The following NFATC2 variants were observed in gnomAD, a reference collection of about 807,000 sequenced individuals.
The protein encoded by NFATC2 is nuclear factor of activated T-cells, cytoplasmic 2.
Under a neutral mutation model 87.3 loss-of-function variants are expected in NFATC2, and 22 were observed. That is an observed-to-expected ratio of 0.25 (90% CI 0.18 to 0.36). The LOEUF is 0.36. Among genes scored for constraint, NFATC2 ranks in the 10% least tolerant of loss-of-function variants. The pLI, the probability that NFATC2 is intolerant of heterozygous loss-of-function variation, is 1.00. For synonymous variants in NFATC2, 565 were observed against 542.2 expected (o/e 1.04, Z -0.58); for missense variants, 1,149 against 1,259.1 (o/e 0.91, Z 1.32).
At chr20:51,549,208 G>A (rs1244153259) in intron 1 of NFATC2, among the ~76,000 whole-genome samples, 1 of 152,188 alleles carries the variant, frequency 6.6e-6, no homozygotes, top group East Asian at 1.9e-4. Flanking sequence ...TATTATAAAA[G>A]ACAATGTTCT....
chr20:51,399,143 A>G (rs1424397364), intron 9 of NFATC2: 1 of 160,940 alleles, frequency 6.2e-6, no homozygotes, highest in East Asian at 1.7e-4. Flanking sequence ...AGGCATCTAC[A>G]GATACTAAAC....
upstream of NFATC2, chr20:51,542,868 G>A: frequency 2.7e-6 from 1 of 367,404 alleles, no homozygotes; most frequent in Non-Finnish European, 3.8e-6. Flanking sequence ...CGGGAGGAAG[G>A]AGGCTGTCCG....
chr20:51,425,952 C>T (rs140317213), intron 9 of NFATC2, among the ~76,000 whole-genome samples: 2 of 152,146 alleles, frequency 1.3e-5, no homozygotes, highest in African/African-American at 4.8e-5. Context: ...CAGCCCCCGG[C>T]GAGGACATCA....
At chr20:51,492,739 T>A (rs998935815) in intron 3 of NFATC2, among the ~76,000 whole-genome samples, 4 of 152,216 alleles carry the variant, frequency 2.6e-5, no homozygotes, top group Non-Finnish European at 5.9e-5. Context: ...GGAAGAGGTT[T>A]AAGGCTCACG....
chr20:51,500,977 C>T (rs1420558722), intron 3 of NFATC2, among the ~76,000 whole-genome samples: 5 of 148,938 alleles, frequency 3.4e-5, no homozygotes, highest in African/African-American at 2.5e-5. Context: ...TATCAGAGTT[C>T]AACACAAACA....
intron 3 of NFATC2, among the ~76,000 whole-genome samples, chr20:51,479,551 T>C (rs1355953287): frequency 6.6e-6 from 1 of 152,108 alleles, no homozygotes; most frequent in Non-Finnish European, 1.5e-5. Context: ...GTCCAGGAGG[T>C]TGAGGCTACA....
Position 51,468,643 on chromosome 20 carries a change from C to T in NFATC2, c.1708+5337G>A, listed in dbSNP as rs61444497. ...CCTGTGGACATCTCCTGTCTCATTG[C>T]AGCCTTTTTCTCCCCACTGGGCAGT... On this transcript the variant is annotated intron_variant, in intron 5 of 10. Coordinates refer to ENST00000371564, the MANE Select transcript of NFATC2 (RefSeq NM_012340.5). Among the ~76,000 whole-genome samples, 1,323 of 152,354 alleles carry T rather than the reference C, an allele frequency of 8.7e-3. 19 individuals are homozygous for T. The highest frequency in any genetic ancestry group is 0.03 in the African/African-American group (1,268 of 41,584).
At chr20:51,404,012 C>A (rs1988312982) in intron 9 of NFATC2, among the ~76,000 whole-genome samples, 1 of 152,180 alleles carries the variant, frequency 6.6e-6, no homozygotes, top group African/African-American at 2.4e-5. Flanking sequence ...GGTCCAGCAT[C>A]CCATGGCTGG....
At chr20:51,545,710 T>C (rs1330509498), upstream of NFATC2, among the ~76,000 whole-genome samples, 1 of 151,236 alleles carries the variant, frequency 6.6e-6, no homozygotes, top group Non-Finnish European at 1.5e-5. Flanking sequence ...GATGGGTGGA[T>C]GGATGGATAG....
chr20:51,499,245 G>A (rs557773420), intron 3 of NFATC2, among the ~76,000 whole-genome samples: 1 of 152,290 alleles, frequency 6.6e-6, no homozygotes, highest in East Asian at 1.9e-4. Flanking sequence ...TGGAGGCAGG[G>A]AAACCAGTTA....
chr20:51,391,546 G>A, intron 10 of NFATC2, 95 bp from the exon 11 acceptor site: 1 of 1,309,996 alleles, frequency 7.6e-7, no homozygotes, highest in Non-Finnish European at 1.1e-6. Context: ...AACCTCTATT[G>A]GGCTATTGAT....
chr20:51,394,580 G>A (rs889245881), intron 10 of NFATC2, among the ~76,000 whole-genome samples: 13 of 150,256 alleles, frequency 8.7e-5, no homozygotes, highest in Admixed American at 1.3e-4. Flanking sequence ...CCCCTGCTGC[G>A]CTGATGCTCT....
chr20:51,405,191 C>A (rs953708358), intron 9 of NFATC2, among the ~76,000 whole-genome samples: 4 of 152,160 alleles, frequency 2.6e-5, no homozygotes, highest in Admixed American at 2.0e-4. Flanking sequence ...GACATGCCCC[C>A]CAAATTAGCT....
intron 5 of NFATC2, among the ~76,000 whole-genome samples, chr20:51,470,188 G>A (rs1462575854): frequency 6.6e-6 from 1 of 152,170 alleles, no homozygotes; most frequent in Non-Finnish European, 1.5e-5. Flanking sequence ...CTCCAGAGAA[G>A]TGGGAGGTGG....
intron 3 of NFATC2, among the ~76,000 whole-genome samples, chr20:51,485,472 G>A (rs985227617): frequency 2.0e-5 from 3 of 152,132 alleles, no homozygotes; most frequent in African/African-American, 7.2e-5. Flanking sequence ...CTGGAAGTAT[G>A]GGATTAAAAT....
intron 9 of NFATC2, among the ~76,000 whole-genome samples, chr20:51,405,186 G>GC (rs2045661399): frequency 6.6e-6 from 1 of 152,124 alleles, no homozygotes; most frequent in Non-Finnish European, 1.5e-5. Context: ...GACAGGACAT[G>GC]CCCCCCAAAT....
At chr20:51,468,433 C>T (rs1471356983) in intron 5 of NFATC2, among the ~76,000 whole-genome samples, 3 of 152,222 alleles carry the variant, frequency 2.0e-5, no homozygotes, top group Admixed American at 6.5e-5. Context: ...ATGAGCAAAG[C>T]GAATTTACAT....
chr20:51,493,860 C>A (rs1001775042), intron 3 of NFATC2, among the ~76,000 whole-genome samples: 1 of 152,148 alleles, frequency 6.6e-6, no homozygotes, highest in Non-Finnish European at 1.5e-5. Flanking sequence ...ACACCCTTGA[C>A]CATCAGCCTG....
intron 1 of NFATC2, among the ~76,000 whole-genome samples, chr20:51,561,142 C>T (rs551666020): frequency 1.5e-4 from 22 of 151,146 alleles, no homozygotes. Flanking sequence ...TTTTTTTTGC[C>T]ATTATGTCAT....
Sources: allele counts gnomAD v4.1 joint callset (sites outside exome capture counted in the v4.1 genomes callset), GRCh38; gene constraint gnomAD v4.1.1; transcripts MANE v1.5; gene names NCBI Gene and HGNC (gene_info 2026-07-23, HGNC 2026-07-21).